DCAKD: variants seen among roughly 807,000 people sequenced by gnomAD.
The protein encoded by DCAKD is dephospho-CoA kinase domain containing.
In DCAKD, 15 loss-of-function variants were observed where a neutral mutation model predicts 18.7. The ratio of observed to expected loss-of-function variants is 0.80; its 90% CI spans 0.54 to 1.24. The LOEUF (loss-of-function observed/expected upper bound fraction) is 1.24, where lower values mean the gene tolerates loss of function less well. Ranked by LOEUF, DCAKD falls within the 50% of genes most tolerant of loss-of-function variation. The probability of loss-of-function intolerance (pLI) is 0.00; values close to 1 mark genes in which losing one functional copy is unlikely to be tolerated. For synonymous variants in DCAKD, 130 were observed against 133.0 expected (o/e 0.98, Z 0.16); for missense variants, 301 against 322.0 (o/e 0.93, Z 0.50).
At chr17:45,053,409 C>T (rs2053747945), upstream of DCAKD, among the ~76,000 whole-genome samples, 1 of 149,340 alleles carries the variant, frequency 6.7e-6, no homozygotes, top group Admixed American at 6.8e-5. Context: ...AGGTGTGCGC[C>T]ACCACATCCA....
At chr17:45,032,301 G>A (rs532156082) in intron 3 of DCAKD, among the ~76,000 whole-genome samples, 63 of 152,274 alleles carry the variant, frequency 4.1e-4, no homozygotes, top group Non-Finnish European at 6.0e-4. Flanking sequence ...GAGCGCACAC[G>A]CTGGTTCAGC....
intron 1 of DCAKD, among the ~76,000 whole-genome samples, chr17:45,047,874 G>A (rs947822799): frequency 4.6e-5 from 7 of 152,168 alleles, no homozygotes; most frequent in Admixed American, 2.0e-4. Flanking sequence ...GAGACTACAA[G>A]CATAAGCCAC....
At chr17:45,041,616 G>A (rs568135185) in intron 1 of DCAKD, among the ~76,000 whole-genome samples, 10 of 152,092 alleles carry the variant, frequency 6.6e-5, no homozygotes, top group African/African-American at 1.9e-4. Context: ...AGCCACATGC[G>A]GGCTCTTTTC....
chr17:45,053,154 G>T (rs2053740253), upstream of DCAKD, among the ~76,000 whole-genome samples: 1 of 101,900 alleles, frequency 9.8e-6, no homozygotes, highest in Non-Finnish European at 1.8e-5. Flanking sequence ...ACTACAGCAA[G>T]ACTCTGTCTC....
rs188884814 is a variant in DCAKD at position 45,058,758 on chromosome 17, C to T, written c.-118+2130G>A. Among the ~76,000 whole-genome samples the T allele has an allele frequency of 2.1e-4, 32 of 152,134 alleles. 2 individuals carry two copies. The South Asian group carries it at 6.6e-3, about 32-fold the overall frequency. ...TTCTTCTTCTTACCTCTGACCCCCC[C>T]CTTCCCTGCAGCTGCAAATAGGGCA... On this transcript the variant is annotated intron_variant, in intron 1 of 4. Transcript: ENST00000310604.
chr17:45,044,502 G>C (rs1475873605), intron 1 of DCAKD, among the ~76,000 whole-genome samples: 1 of 152,062 alleles, frequency 6.6e-6, no homozygotes. Flanking sequence ...GACCAGCCTG[G>C]CCAACATAGC....
At chr17:45,058,401 A>G (rs2053810502) in intron 1 of DCAKD, among the ~76,000 whole-genome samples, 1 of 151,856 alleles carries the variant, frequency 6.6e-6, no homozygotes. Flanking sequence ...GATTACAGGC[A>G]TGAGCCACCA....
At chr17:45,026,675 G>A in intron 4 of DCAKD, 1 of 985,406 alleles carries the variant, frequency 1.0e-6, no homozygotes, top group Non-Finnish European at 1.2e-6. Flanking sequence ...AAAAACAAAT[G>A]CAGCCACTTG....
At chr17:45,033,821 C>T in intron 3 of DCAKD, 1 of 1,164,730 alleles carries the variant, frequency 8.6e-7, no homozygotes, top group South Asian at 1.6e-5. Flanking sequence ...AGGGCGAGAT[C>T]ACTCAATGAA....
At chr17:45,030,214 C>T in intron 3 of DCAKD, 35 bp from the exon 4 acceptor site, 1 of 1,591,118 alleles carries the variant, frequency 6.3e-7, no homozygotes, top group Non-Finnish European at 8.6e-7. Context: ...AAGTTCAATT[C>T]TGCAAGCGCA....
chr17:45,025,563 A>G (rs972537299), intron 4 of DCAKD, among the ~76,000 whole-genome samples: 4 of 152,046 alleles, frequency 2.6e-5, no homozygotes, highest in Non-Finnish European at 4.4e-5. Context: ...AGTCCTCTGG[A>G]GCGGGGTTAC....
chr17:45,031,564 G>T, intron 3 of DCAKD: 1 of 985,390 alleles, frequency 1.0e-6, no homozygotes, highest in Non-Finnish European at 1.2e-6. Context: ...GTTGCAGGGG[G>T]AGGCCAACAG....
intron 1 of DCAKD, among the ~76,000 whole-genome samples, chr17:45,050,672 G>A (rs577277189): frequency 6.8e-6 from 1 of 146,560 alleles, no homozygotes; most frequent in South Asian, 2.2e-4. Flanking sequence ...GGTAAAATGA[G>A]CACTCTCCCT....
chr17:45,045,285 T>C (rs1306008718), intron 1 of DCAKD, among the ~76,000 whole-genome samples: 4 of 152,216 alleles, frequency 2.6e-5, no homozygotes, highest in Non-Finnish European at 4.4e-5. Context: ...TGCTTTATCC[T>C]GTAGCCTCCT....
At chr17:45,056,872 G>A (rs935928411) in intron 1 of DCAKD, among the ~76,000 whole-genome samples, 1 of 151,518 alleles carries the variant, frequency 6.6e-6, no homozygotes, top group Non-Finnish European at 1.5e-5. Context: ...GGTTTACACC[G>A]TTCTCCTGCC....
At chr17:45,035,469 C>G (rs1324080533) in intron 1 of DCAKD, among the ~76,000 whole-genome samples, 1 of 130,800 alleles carries the variant, frequency 7.6e-6, no homozygotes, top group Non-Finnish European at 1.6e-5. Context: ...GTGACAGAAC[C>G]AGATTCCTTC....
At chr17:45,045,193 G>C (rs1157231873) in intron 1 of DCAKD, among the ~76,000 whole-genome samples, 3 of 152,140 alleles carry the variant, frequency 2.0e-5, no homozygotes, top group African/African-American at 7.2e-5. Context: ...CTGGATCACA[G>C]CCTGGTCAGG....
intron 1 of DCAKD, among the ~76,000 whole-genome samples, chr17:45,042,490 G>A (rs2053463223): frequency 6.6e-6 from 1 of 152,210 alleles, no homozygotes; most frequent in Non-Finnish European, 1.5e-5. Flanking sequence ...TCCCCTTGCC[G>A]CCTCTCAGGA....
chr17:45,058,759 C>A (rs918377993), intron 1 of DCAKD, among the ~76,000 whole-genome samples: 3 of 152,038 alleles, frequency 2.0e-5, no homozygotes, highest in African/African-American at 7.2e-5. Context: ...TGACCCCCCC[C>A]TTCCCTGCAG....
Sources: gnomAD v4.1 joint callset for allele counts (sites outside exome capture counted in the v4.1 genomes callset) on GRCh38, gnomAD v4.1.1 for gene constraint, MANE v1.5 for transcripts, NCBI Gene and HGNC (gene_info 2026-07-23, HGNC 2026-07-21) for gene names.